G3BP2: variants seen among roughly 807,000 people sequenced by gnomAD.
G3BP2 encodes the protein ras GTPase-activating protein-binding protein 2.
Under a neutral mutation model 56.7 loss-of-function variants are expected in G3BP2, and 11 were observed. The ratio of observed to expected loss-of-function variants is 0.19; its 90% CI spans 0.12 to 0.32. The LOEUF is 0.32. Among genes scored for constraint, G3BP2 ranks in the 10% least tolerant of loss-of-function variants. G3BP2 has a pLI of 1.00. For missense variants in G3BP2, 340 were observed against 610.9 expected, an observed-to-expected ratio of 0.56 and a Z score of 4.67; for synonymous variants, 165 against 191.6, an observed-to-expected ratio of 0.86 and a Z score of 1.15.
intron 1 of G3BP2, among the ~76,000 whole-genome samples, chr4:75,666,678 G>A (rs1055823086): frequency 1.1e-4 from 16 of 152,152 alleles, no homozygotes; most frequent in Admixed American, 9.8e-4. Flanking sequence ...TGCAGTGTAC[G>A]TAAGAAGGTT....
chr4:75,665,643 AAACACACAAACAAAC>A (rs1560623823), intron 1 of G3BP2, among the ~76,000 whole-genome samples: 754 of 31,988 alleles, frequency 0.024, 6 homozygotes, highest in South Asian at 0.21. Flanking sequence ...ACACACACAC[AAACACACAAACAAAC>A]ACACACACAC....
chr4:75,716,130 G>T (rs1366333493), intron 3 of G3BP2, among the ~76,000 whole-genome samples: 1 of 152,038 alleles, frequency 6.6e-6, no homozygotes, highest in Non-Finnish European at 1.5e-5. Flanking sequence ...TATTGGAGGT[G>T]GGGAGAGGGC....
In G3BP2 at chr4:75,686,565, G is replaced by C. The variant is rs1308910634; in HGVS notation, c.-24-24516C>G. Among the ~76,000 whole-genome samples the C allele has an allele frequency of 3.5e-5, 5 of 142,064 alleles. No individual in the cohort carries two copies. In the South Asian group the frequency reaches 1.3e-3, roughly 36 times the overall value. The allele number at this position is 142,064 out of a possible 152,430, so 93.2% of individuals were successfully genotyped here. On this transcript the variant is annotated intron_variant, in intron 3 of 3. Coordinates refer to the G3BP2 transcript ENST00000499709. ...ACAGCAAGAGCAAAGGGTGGGTGGC[G>C]GGGGGTGGGGGTGGGGGGGCGGGTG...
chr4:75,650,160 C>A (rs765872258), intron 8 of G3BP2, among the ~76,000 whole-genome samples: 2 of 151,604 alleles, frequency 1.3e-5, no homozygotes, highest in Non-Finnish European at 2.9e-5. Context: ...TTCAGCCAGG[C>A]ACAGTAGCTC....
chr4:75,663,187 G>C (rs918377380), intron 1 of G3BP2, among the ~76,000 whole-genome samples: 2 of 152,194 alleles, frequency 1.3e-5, no homozygotes, highest in Non-Finnish European at 2.9e-5. Flanking sequence ...TAACAGAATG[G>C]GTTAGGTGCT....
intron 8 of G3BP2, among the ~76,000 whole-genome samples, chr4:75,650,232 C>T (rs1578380749): frequency 6.6e-6 from 1 of 151,578 alleles, no homozygotes; most frequent in Non-Finnish European, 1.5e-5. Context: ...GTCGGGAGTT[C>T]GAGACCAGCC....
intron 1 of G3BP2, among the ~76,000 whole-genome samples, chr4:75,667,448 A>G (rs1733144647): frequency 6.6e-6 from 1 of 152,164 alleles, no homozygotes; most frequent in South Asian, 2.1e-4. Context: ...GTTAAATACA[A>G]TATATCACAC....
At chr4:75,649,772 G>A (rs920131974) in intron 8 of G3BP2, among the ~76,000 whole-genome samples, 4 of 152,232 alleles carry the variant, frequency 2.6e-5, no homozygotes, top group Admixed American at 1.3e-4. Flanking sequence ...CACTTTGGGA[G>A]GCCAAGCTGC....
At chr4:75,675,791 C>G (rs114522704), upstream of G3BP2, among the ~76,000 whole-genome samples, 384 of 152,156 alleles carry the variant, frequency 2.5e-3, no homozygotes, top group African/African-American at 8.8e-3. Context: ...AAAACTCCGT[C>G]TCAAAAAAAA....
chr4:75,645,305 T>C lies in G3BP2; in HGVS notation c.*125A>G, dbSNP rs1192099975. 9.9e-6 allele frequency: 8 copies of C among 805,716 alleles called. No homozygotes were observed. Among genetic ancestry groups the C allele is most frequent in the Non-Finnish European group, 1.4e-5 (7 of 514,198 alleles). 49.9% of individuals were successfully genotyped at this position (805,716 alleles called of 1,614,324 possible). A position where few individuals can be genotyped will look rare whatever the true frequency, so the allele number is the denominator to read the frequency against. ...CCTCAATTTAACTGATAACCAAAGA[T>C]GCTTTTCACATCAAAGAAATGATCA... On this transcript the variant is annotated 3_prime_UTR_variant, in exon 12 of 12. Coordinates refer to ENST00000359707, the MANE Select transcript of G3BP2 (RefSeq NM_203505.3).
At chr4:75,684,003 A>G (rs982507992) in intron 3 of G3BP2, among the ~76,000 whole-genome samples, 6 of 152,202 alleles carry the variant, frequency 3.9e-5, no homozygotes, top group African/African-American at 1.4e-4. Context: ...AGAGCTATGG[A>G]GAATCCAAGA....
At chr4:75,659,390 A>G (rs1732367719) in intron 2 of G3BP2, among the ~76,000 whole-genome samples, 3 of 152,180 alleles carry the variant, frequency 2.0e-5, no homozygotes, top group African/African-American at 7.2e-5. Context: ...AAAGGCTTAA[A>G]CTGTTTAGAT....
intron 3 of G3BP2, among the ~76,000 whole-genome samples, chr4:75,714,321 T>A (rs978162221): frequency 1.3e-5 from 2 of 152,176 alleles, no homozygotes; most frequent in African/African-American, 4.8e-5. Flanking sequence ...GGGGAAAATA[T>A]ATACATTTAA....
chr4:75,712,574 C>T (rs1035162827), intron 3 of G3BP2, among the ~76,000 whole-genome samples: 3 of 152,138 alleles, frequency 2.0e-5, no homozygotes, highest in Non-Finnish European at 4.4e-5. Context: ...AGAATCAATA[C>T]AACATATGAT....
At chr4:75,716,348 T>G (rs991728251) in intron 3 of G3BP2, among the ~76,000 whole-genome samples, 4 of 151,982 alleles carry the variant, frequency 2.6e-5, no homozygotes, top group African/African-American at 9.7e-5. Context: ...TAATTTTTTG[T>G]ATTTTTAGTA....
intron 3 of G3BP2, among the ~76,000 whole-genome samples, chr4:75,716,873 A>G (rs764163972): frequency 6.6e-6 from 1 of 152,202 alleles, no homozygotes; most frequent in East Asian, 1.9e-4. Flanking sequence ...CCTGTAAGGA[A>G]GCATCAGGGG....
chr4:75,648,537 T>C, intron 9 of G3BP2, 102 bp downstream of exon 9: 1 of 586,360 alleles, frequency 1.7e-6, no homozygotes, highest in Non-Finnish European at 3.1e-6. Context: ...TTTGAGACTA[T>C]ATGGGTCTGT....
At chr4:75,662,201 C>A in intron 1 of G3BP2, 152 bp from the exon 2 acceptor site, 1 of 515,828 alleles carries the variant, frequency 1.9e-6, no homozygotes, top group Non-Finnish European at 3.5e-6. Flanking sequence ...AACCCACTAC[C>A]ATCAGACTAA....
chr4:75,655,224 C>T lies in G3BP2; in HGVS notation c.568G>A (p.Glu190Lys), dbSNP rs1732000905. 6.2e-7 allele frequency: 1 copy of T among 1,611,972 alleles called. No homozygotes were observed. Among genetic ancestry groups the T allele is most frequent in the Non-Finnish European group, 8.5e-7 (1 of 1,178,386 alleles). ...PVTNGIEEPL[E>K]ESSHEPEPEP... ...GGTTCAGGTTCATGAGAGGATTCTT[C>T]CAAAGGCTCCTCTATGCCATTACTA... The change falls in exon 7 of 12, where the codon GAA (glutamate) becomes AAA (lysine). Residue 190 changes from glutamate to lysine, a missense_variant. Glu to Lys is a moderately conservative substitution (Grantham distance 56, BLOSUM62 1). This residue lies in a region of G3BP2 where 224 missense variants were observed against 332.5 expected (regional missense o/e 0.67). Coordinates refer to ENST00000359707, the MANE Select transcript of G3BP2 (RefSeq NM_203505.3).
Sources: allele counts gnomAD v4.1 joint callset (sites outside exome capture counted in the v4.1 genomes callset), GRCh38; gene constraint gnomAD v4.1.1; regional missense constraint gnomAD v4.1.1; transcripts MANE v1.5; gene names NCBI Gene and HGNC (gene_info 2026-07-23, HGNC 2026-07-21).